Variants in SLC5A2 observed in about 807,000 individuals in gnomAD.
SLC5A2 encodes the protein sodium/glucose cotransporter 2.
SLC5A2 carries 67 observed loss-of-function variants against 69.0 expected under a neutral mutation model. The observed-to-expected ratio is 0.97, with a 90% CI of 0.80 to 1.19. The LOEUF is 1.19. Ranked by LOEUF, SLC5A2 falls within the 50% of genes most tolerant of loss-of-function variation. The pLI is 0.00. For missense variants in SLC5A2, 1,001 were observed against 921.5 expected (o/e 1.09, Z -1.12); for synonymous variants, 455 against 395.8 (o/e 1.15, Z -1.78).
Position 31,490,630 on chromosome 16 carries a change from G to C in SLC5A2, c.*95G>C, listed in dbSNP as rs966660737. ...CCAGAAAAGGGGAAGGGGCAGTGGGGTGAGAAGGTCCTGGCTCCCCTTCTC... is the reference window on the plus strand; with the variant it reads ...CCAGAAAAGGGGAAGGGGCAGTGGGCTGAGAAGGTCCTGGCTCCCCTTCTC... On this transcript the variant is annotated 3_prime_UTR_variant, in exon 14 of 14. Coordinates refer to ENST00000330498, the MANE Select transcript of SLC5A2 (RefSeq NM_003041.4). The C allele has an allele frequency of 1.7e-6, 2 of 1,190,118 alleles. No homozygotes were observed. Among genetic ancestry groups the C allele is most frequent in the African/African-American group, 3.0e-5 (2 of 66,576 alleles). The allele number at this position is 1,190,118 out of a possible 1,614,324, so 73.7% of individuals were successfully genotyped here.
chr16:31,488,197 T>G lies in SLC5A2; in HGVS notation c.1021+24T>G, dbSNP rs1278043626. On this transcript the variant is annotated intron_variant, in intron 8 of 13. Transcript: ENST00000330498. ...AGGTAACATCCCTGCCCCGCCCCTT[T>G]CCTGTGCCAGCAACCGGGCGCCCGT... 1.9e-6 allele frequency: 3 copies of G among 1,613,936 alleles called. No homozygotes were observed. In the Admixed American group the frequency reaches 5.0e-5, roughly 27 times the overall value.
chr16:31,488,273 C>T, intron 8 of SLC5A2, 100 bp downstream of exon 8: 1 of 1,599,426 alleles, frequency 6.3e-7, no homozygotes, highest in South Asian at 1.1e-5. Flanking sequence ...CCCGGAGTCC[C>T]GCCTCCCTCC....
At chr16:31,486,993 C>T (rs1223023547) in intron 5 of SLC5A2, among the ~76,000 whole-genome samples, 1 of 152,170 alleles carries the variant, frequency 6.6e-6, no homozygotes, top group Non-Finnish European at 1.5e-5. Context: ...TTGCAGTGAG[C>T]TGAGATCCAC....
At chr16:31,487,985 G>A in intron 7 of SLC5A2, 53 bp from the exon 8 acceptor site, 1 of 1,603,938 alleles carries the variant, frequency 6.2e-7, no homozygotes. Context: ...ACGGGGCGCG[G>A]GGCGGGGCCG....
At position 31,489,345 on chromosome 16, in the gene SLC5A2, G is replaced by A; in HGVS notation, c.1665+7G>A. 1 of 1,605,588 alleles carries A rather than the reference G, an allele frequency of 6.2e-7. No homozygotes were observed. The highest frequency in any genetic ancestry group is 8.5e-7 in the Non-Finnish European group (1 of 1,179,340). On this transcript the variant is annotated splice_region_variant and intron_variant, in intron 12 of 13. Coordinates refer to ENST00000330498, the MANE Select transcript of SLC5A2 (RefSeq NM_003041.4). The stretch of plus-strand genomic sequence containing the variant: ...GCCCATCCCCAGAAAGCACGTGAGT[G>A]GCCAGGTGCCCCAGGCAAGCACTGT...
Position 31,490,155 on chromosome 16 carries a change from C to T in SLC5A2, c.1717C>T (p.Leu573=). ...GCATAGCAAGGAGGAACGGGAGGACCTGGATGCTGATGAGCAGCAAGGCTC... is the reference window on the plus strand; with the variant it reads ...GCATAGCAAGGAGGAACGGGAGGACTTGGATGCTGATGAGCAGCAAGGCTC... ...LRHSKEERED[L]DADEQQGSSL... is the part of the protein sequence containing the mutation. Residue 573 remains leucine, a synonymous_variant, in exon 13 of 14, where the codon CTG becomes TTG. Coordinates refer to ENST00000330498, the MANE Select transcript of SLC5A2 (RefSeq NM_003041.4). 6.2e-7 allele frequency: 1 copy of T among 1,614,174 alleles called. No homozygotes were observed. The highest frequency in any genetic ancestry group is 8.5e-7 in the Non-Finnish European group (1 of 1,180,044).
intron 1 of SLC5A2, among the ~76,000 whole-genome samples, chr16:31,483,719 G>A (rs79534083): frequency 0.013 from 2,044 of 151,918 alleles, 44 homozygotes; most frequent in African/African-American, 0.047. Context: ...TGGTGAAACC[G>A]TATCTCTTTT....
rs1414915502 is a variant in SLC5A2 at position 31,487,299 on chromosome 16, CCT to C, written c.575-20_575-19del. 1.2e-6 allele frequency: 2 copies of C among 1,613,370 alleles called. No individual in the cohort carries two copies. Among genetic ancestry groups the C allele is most frequent in the African/African-American group, 2.7e-5 (2 of 74,930 alleles). On this transcript the variant is annotated intron_variant, in intron 5 of 13. Transcript: ENST00000330498. ...TGTAACATAAACAGCTGGGCTGTCCCCTGACCCCGGCCTGTTGCAGGAGGGCT... is the reference window on the plus strand; with the variant it reads ...TGTAACATAAACAGCTGGGCTGTCCCGACCCCGGCCTGTTGCAGGAGGGCT...
In SLC5A2 at chr16:31,487,344, C is replaced by A. The variant is rs1247318051; in HGVS notation, c.599C>A (p.Thr200Lys). 2 of 1,613,942 alleles carry A rather than the reference C, an allele frequency of 1.2e-6. No individual in the cohort carries two copies. The change falls in exon 6 of 14, where the codon ACG becomes AAG. Residue 200 changes from threonine to lysine, a missense_variant. Thr to Lys is a moderately conservative substitution (Grantham distance 78, BLOSUM62 -1). Coordinates refer to ENST00000330498, the MANE Select transcript of SLC5A2 (RefSeq NM_003041.4). The stretch of plus-strand genomic sequence containing the variant: ...GGAGGGCTGGCCGCGCTGATGTACA[C>A]GGACACGGTACAGACCTTCGTCATT... Reference protein sequence around the residue: ...VTGGLAALMYTDTVQTFVILG... With the variant: ...VTGGLAALMYKDTVQTFVILG...
chr16:31,484,730 A>C lies in SLC5A2; in HGVS notation c.184A>C (p.Met62Leu). The C allele has an allele frequency of 6.2e-7, 1 of 1,610,418 alleles. No homozygotes were observed. The highest frequency in any genetic ancestry group is 1.1e-5 in the South Asian group (1 of 91,078). Residue 62 changes from methionine to leucine, a missense_variant, in exon 2 of 14, where the codon ATG becomes CTG. Coordinates refer to ENST00000330498, the MANE Select transcript of SLC5A2 (RefSeq NM_003041.4). The part of the protein sequence containing the change: ...VGGYFLAGRS[M>L]VWWPVGASLF... ...CGGCTACTTCCTGGCAGGACGCAGC[A>C]TGGTGTGGTGGCCGGTGAGACGGGC...
intron 3 of SLC5A2, chr16:31,485,317 G>A (rs2082486709): frequency 6.8e-6 from 3 of 443,894 alleles, no homozygotes; most frequent in East Asian, 9.4e-5. Context: ...CAAAGCTCTG[G>A]GACTGAGGCT....
At chr16:31,486,147 C>T in intron 4 of SLC5A2, 23 bp from the exon 5 acceptor site, 2 of 1,580,404 alleles carry the variant, frequency 1.3e-6, no homozygotes, top group Non-Finnish European at 1.7e-6. Flanking sequence ...GGGTCCTGAC[C>T]TGGCACTTGC....
At chr16:31,487,971 C>A (rs2082512683) in intron 7 of SLC5A2, 67 bp from the exon 8 acceptor site, 1 of 1,597,996 alleles carries the variant, frequency 6.3e-7, no homozygotes, top group East Asian at 2.2e-5. Flanking sequence ...GGGCACAGAG[C>A]GGAACGGGGC....
At position 31,489,334 on chromosome 16, in the gene SLC5A2, A is replaced by G; in HGVS notation, c.1661A>G (p.Lys554Arg). ...VSLCTAPIPR[K>R]HLHRLVFSLR... Reference sequence around the variant, plus strand: ...CTGTGCACCGCGCCCATCCCCAGAAAGCACGTGAGTGGCCAGGTGCCCCAG... The same window carrying G: ...CTGTGCACCGCGCCCATCCCCAGAAGGCACGTGAGTGGCCAGGTGCCCCAG... Residue 554 changes from lysine (K) to arginine (R), a missense_variant, in exon 12 of 14, where the codon AAG becomes AGG. By Grantham distance (26) the Lys-to-Arg change is conservative (BLOSUM62 2). Coordinates refer to ENST00000330498, the MANE Select transcript of SLC5A2 (RefSeq NM_003041.4). The G allele has an allele frequency of 3.1e-6, 5 of 1,607,768 alleles. No homozygotes were observed. The highest frequency in any genetic ancestry group is 2.2e-5 in the South Asian group (2 of 91,068).
At position 31,484,874 on chromosome 16, in the gene SLC5A2, C is replaced by A. The variant is rs755812371; in HGVS notation, c.254C>A (p.Ala85Glu). ...NIGSGHFVGL[A>E]GTGAASGLAV... The stretch of plus-strand genomic sequence containing the variant: ...GGCAGTGGCCACTTTGTGGGCCTGG[C>A]AGGGACTGGCGCTGCAAGTGGCTTG... Residue 85 changes from alanine (A) to glutamate (E), a missense_variant, in exon 3 of 14, where the codon GCA (alanine) becomes GAA (glutamate). Coordinates refer to ENST00000330498, the MANE Select transcript of SLC5A2 (RefSeq NM_003041.4). 3 of 1,614,126 alleles carry A rather than the reference C, an allele frequency of 1.9e-6. No individual in the cohort carries two copies. The highest frequency in any genetic ancestry group is 1.7e-5 in the Admixed American group (1 of 60,036).
intron 1 of SLC5A2, 142 bp from the exon 2 acceptor site, chr16:31,484,531 G>C: frequency 1.2e-6 from 1 of 867,592 alleles, no homozygotes. Context: ...TCTGGGAGGA[G>C]TTGGGGGTGG....
rs201511529 is a variant in SLC5A2 at position 31,488,114 on chromosome 16, A to G, written c.962A>G (p.Lys321Arg). 1.1e-5 allele frequency: 18 copies of G among 1,614,044 alleles called. No homozygotes were observed. In the Admixed American group the frequency reaches 1.3e-4, roughly 12 times the overall value. The change falls in exon 8 of 14, where the codon AAG becomes AGG. Residue 321 changes from lysine (K) to arginine (R), a missense_variant. By Grantham distance (26) the Lys-to-Arg change is conservative. Transcript: ENST00000330498. Reference protein sequence around the residue: ...KAGCILCGYLKLTPMFLMVMP... With the variant: ...KAGCILCGYLRLTPMFLMVMP... ...GGCTGCATCCTGTGTGGGTACCTGA[A>G]GCTGACGCCCATGTTTCTCATGGTC...
chr16:31,488,516 G>C, intron 9 of SLC5A2, 26 bp downstream of exon 9: 1 of 1,601,728 alleles, frequency 6.2e-7, no homozygotes, highest in Non-Finnish European at 8.5e-7. Flanking sequence ...GGCCACAGGC[G>C]CAAGCTCGCT....
In SLC5A2 at chr16:31,488,062, G is replaced by C; in HGVS notation, c.910G>C (p.Gly304Arg). 2 of 1,613,912 alleles carry C rather than the reference G, an allele frequency of 1.2e-6. No individual in the cohort carries two copies. The highest frequency in any genetic ancestry group is 2.2e-5 in the South Asian group (2 of 91,090). Residue 304 changes from glycine (G) to arginine (R), a missense_variant, in exon 8 of 14, where the codon GGG becomes CGG. Coordinates refer to ENST00000330498, the MANE Select transcript of SLC5A2 (RefSeq NM_003041.4). Reference protein sequence around the residue: ...DQVIVQRCLAGKSLTHIKAGC... With the variant: ...DQVIVQRCLARKSLTHIKAGC... ...GGTCATCGTGCAGCGCTGCCTGGCC[G>C]GGAAGAGCCTGACCCACATCAAGGC...
Sources: gnomAD v4.1 joint callset for allele counts (sites outside exome capture counted in the v4.1 genomes callset) on GRCh38, gnomAD v4.1.1 for gene constraint, MANE v1.5 for transcripts, NCBI Gene and HGNC (gene_info 2026-07-23, HGNC 2026-07-21) for gene names.